SCLT1: variants seen among roughly 807,000 people sequenced by gnomAD.
SCLT1 encodes sodium channel-associated protein 1.
Under a neutral mutation model 112.8 loss-of-function variants are expected in SCLT1, and 78 were observed. That is an observed-to-expected ratio of 0.69 (90% confidence interval 0.58 to 0.83). The LOEUF (loss-of-function observed/expected upper bound fraction) is 0.83, where lower values mean the gene tolerates loss of function less well. Among genes scored for constraint, SCLT1 ranks in the 40% least tolerant of loss-of-function variants. SCLT1 has a pLI of 0.00. For synonymous variants in SCLT1, 257 were observed against 254.7 expected (o/e 1.01, Z -0.09); for missense variants, 747 against 770.4 (o/e 0.97, Z 0.36).
rs1322108487 is a variant in SCLT1, at chr4:128,984,715, T to C, written c.686+7452A>G. On this transcript the variant is annotated intron_variant, in intron 9 of 20. Transcript: ENST00000281142. ...TGCCAAAAATCTTATATCCTTTTTT[T>C]CCTCCCACTCTTTTCTTAACCTTGA... Among the ~76,000 whole-genome samples, 3 of 152,262 alleles carry C rather than the reference T, an allele frequency of 2.0e-5. No individual in the cohort carries two copies. In the East Asian group the frequency reaches 5.8e-4, roughly 29 times the overall value.
Position 128,926,412 on chromosome 4 carries a change from T to G in SCLT1, c.1829+10243A>C, listed in dbSNP as rs56076042. Reference sequence around the variant, plus strand: ...GTCAGTTCACAGCTCCCAAAGATGTTATCTTTAATGTTCTAGAAGAAAACA... The same window carrying G: ...GTCAGTTCACAGCTCCCAAAGATGTGATCTTTAATGTTCTAGAAGAAAACA... On this transcript the variant is annotated intron_variant, in intron 18 of 20. Transcript: ENST00000281142. Among the ~76,000 whole-genome samples, 1,048 of 152,264 alleles carry G rather than the reference T, an allele frequency of 6.9e-3. 5 individuals carry two copies. The highest frequency in any genetic ancestry group is 0.011 in the Non-Finnish European group (778 of 68,016).
intron 2 of SCLT1, among the ~76,000 whole-genome samples, chr4:129,079,122 G>A (rs755833141): frequency 3.3e-5 from 5 of 152,086 alleles, no homozygotes; most frequent in Admixed American, 6.5e-5. Flanking sequence ...ATTACCATTC[G>A]ACATTAGATT....
chr4:129,093,040 T>C lies in SCLT1; in HGVS notation c.34+30A>G, dbSNP rs144088444. On this transcript the variant is annotated intron_variant, in intron 1 of 20. Transcript: ENST00000281142. ...AACGACGACGATATTAAACATTGTA[T>C]ATGAAGTCTCAAAAAAACATGGAGC... The C allele has an allele frequency of 9.7e-4, 1,467 of 1,506,144 alleles. 18 individuals are homozygous for C. In the African/African-American group the frequency reaches 0.018, roughly 18 times the overall value. The allele number at this position is 1,506,144 out of a possible 1,614,324, so 93.3% of individuals were successfully genotyped here.
chr4:128,951,354 G>A (rs1000635903), intron 14 of SCLT1, among the ~76,000 whole-genome samples: 1 of 152,064 alleles, frequency 6.6e-6, no homozygotes, highest in African/African-American at 2.4e-5. Context: ...ACTATGAGAT[G>A]TTTCATATCT....
chr4:129,082,948 T>C (rs550080356), intron 1 of SCLT1, among the ~76,000 whole-genome samples: 250 of 151,980 alleles, frequency 1.6e-3, no homozygotes, highest in African/African-American at 5.7e-3. Context: ...TCCTAGCACT[T>C]TGGGAGGCCG....
intron 2 of SCLT1, among the ~76,000 whole-genome samples, chr4:129,061,317 A>C (rs1749948958): frequency 6.6e-6 from 1 of 152,102 alleles, no homozygotes; most frequent in African/African-American, 2.4e-5. Context: ...ACTCCCTAGA[A>C]AGAAATGTGT....
chr4:128,910,316 T>C (rs1392726630), intron 18 of SCLT1, among the ~76,000 whole-genome samples: 1 of 152,242 alleles, frequency 6.6e-6, no homozygotes, highest in African/African-American at 2.4e-5. Flanking sequence ...GTAAAAATTA[T>C]TGCTTAAATT....
intron 2 of SCLT1, among the ~76,000 whole-genome samples, chr4:129,078,406 T>C (rs538101624): frequency 9.9e-5 from 15 of 152,160 alleles, no homozygotes; most frequent in Non-Finnish European, 1.3e-4. Context: ...TTTTTTACTC[T>C]TTTGTTCAGG....
intron 18 of SCLT1, among the ~76,000 whole-genome samples, chr4:128,914,656 T>G (rs1735345031): frequency 6.6e-6 from 1 of 152,036 alleles, no homozygotes; most frequent in Admixed American, 6.6e-5. Context: ...TAATCAAACA[T>G]ATCTGAAAGC....
At position 129,082,371 on chromosome 4, in the gene SCLT1, G is replaced by T. The variant is rs201848700; in HGVS notation, c.37C>A (p.Arg13=). The change falls in exon 2 of 21, where the codon CGA becomes AGA. Residue 13 remains arginine (R), a splice_region_variant and synonymous_variant. Coordinates refer to ENST00000281142, the MANE Select transcript of SCLT1 (RefSeq NM_144643.4). ...AEIDFLREQN[R]RLNEDFRRYQ... is the part of the protein sequence containing the mutation. ...CGCCTAAAATCTTCATTTAGTCTTC[G>T]ATCTGAAACAAGCGGGAAAACAGAT... The T allele has an allele frequency of 1.9e-6, 3 of 1,582,992 alleles. No individual in the cohort carries two copies. Among genetic ancestry groups the T allele is most frequent in the African/African-American group, 2.7e-5 (2 of 73,932 alleles).
At position 128,951,687 on chromosome 4, in the gene SCLT1, G is replaced by A. The variant is rs116409381; in HGVS notation, c.1218+1082C>T. On this transcript the variant is annotated intron_variant, in intron 14 of 20. Coordinates refer to ENST00000281142, the MANE Select transcript of SCLT1 (RefSeq NM_144643.4). The stretch of plus-strand genomic sequence containing the variant: ...CTAATCAGCCCATGAAAGAAAACAA[G>A]CAAAATAACTGGGTGATAGAAAAGG... Among the ~76,000 whole-genome samples, 772 of 152,146 alleles carry A rather than the reference G, an allele frequency of 5.1e-3. 11 individuals are homozygous for A. Among genetic ancestry groups the A allele is most frequent in the African/African-American group, 0.017 (706 of 41,544 alleles).
rs1437442544 is a variant in SCLT1 at position 128,983,825 on chromosome 4, T to G, written c.686+8342A>C. ...ATATGTTTCAGTATAAGTACAAACTTAAACAACTCTAGTACTTAAGGAGTT... is the reference window on the plus strand; with the variant it reads ...ATATGTTTCAGTATAAGTACAAACTGAAACAACTCTAGTACTTAAGGAGTT... On this transcript the variant is annotated intron_variant, in intron 9 of 20. Coordinates refer to ENST00000281142, the MANE Select transcript of SCLT1 (RefSeq NM_144643.4). Among the ~76,000 whole-genome samples, 7 of 152,108 alleles carry G rather than the reference T, an allele frequency of 4.6e-5. No individual in the cohort carries two copies. In the East Asian group the frequency reaches 1.3e-3, roughly 29 times the overall value.
At chr4:129,003,433 TA>T (rs533529824) in intron 6 of SCLT1, among the ~76,000 whole-genome samples, 3,076 of 98,378 alleles carry the variant, frequency 0.031, 43 homozygotes, top group African/African-American at 0.048. Flanking sequence ...AAAGTATAAT[TA>T]AAAAAAAAAA....
chr4:129,058,959 C>A (rs1279773905), intron 2 of SCLT1, among the ~76,000 whole-genome samples: 1 of 152,060 alleles, frequency 6.6e-6, no homozygotes, highest in African/African-American at 2.4e-5. Context: ...AAGATTATAT[C>A]CTCCTTTCTG....
At chr4:128,947,087 C>T (rs1359378638) in intron 15 of SCLT1, among the ~76,000 whole-genome samples, 1 of 152,212 alleles carries the variant, frequency 6.6e-6, no homozygotes, top group Non-Finnish European at 1.5e-5. Flanking sequence ...AGTATCAGCA[C>T]GTCAACATTC....
chr4:128,944,107 T>C (rs1737940792), intron 16 of SCLT1, among the ~76,000 whole-genome samples: 1 of 152,132 alleles, frequency 6.6e-6, no homozygotes, highest in South Asian at 2.1e-4. Context: ...CTGATTTTCT[T>C]TGATCTCTAC....
intron 13 of SCLT1, 85 bp from the exon 14 acceptor site, chr4:128,952,925 G>A: frequency 1.3e-6 from 1 of 745,028 alleles, no homozygotes. Flanking sequence ...TAATAATTTT[G>A]ATAAAAATAA....
rs1334982394 is a variant in SCLT1 at position 129,087,960 on chromosome 4, G to A, written c.34+5110C>T. ...AAATTAGCCAGATATGGTGGCATGT[G>A]CCTGTAGTCCCAGCTTCTCAGGAGG... On this transcript the variant is annotated intron_variant, in intron 1 of 20. Transcript: ENST00000281142. 2.6e-5 allele frequency among the ~76,000 whole-genome samples: 4 copies of A among 151,654 alleles called. No homozygotes were observed. In the East Asian group the frequency reaches 5.8e-4, roughly 22 times the overall value.
intron 10 of SCLT1, among the ~76,000 whole-genome samples, chr4:128,968,155 T>G (rs1740372615): frequency 6.6e-6 from 1 of 152,230 alleles, no homozygotes; most frequent in Admixed American, 6.5e-5. Flanking sequence ...ATTATTTCTT[T>G]AATTTTTTTC....
Sources: gnomAD v4.1 joint callset for allele counts (sites outside exome capture counted in the v4.1 genomes callset) on GRCh38, gnomAD v4.1.1 for gene constraint, MANE v1.5 for transcripts, NCBI Gene and HGNC (gene_info 2026-07-23, HGNC 2026-07-21) for gene names.